Variants in CA6 observed in about 807,000 individuals in gnomAD.
CA6 encodes carbonic anhydrase 6, also known as carbonate dehydratase VI.
Under a neutral mutation model 35.9 loss-of-function variants are expected in CA6, and 28 were observed. The observed-to-expected ratio is 0.78, with a 90% CI of 0.58 to 1.07. The LOEUF (loss-of-function observed/expected upper bound fraction) is 1.07, where lower values mean the gene tolerates loss of function less well. Ranked by LOEUF, CA6 falls within the 50% of genes least tolerant of loss-of-function variation. CA6 has a pLI of 0.00. For synonymous variants in CA6, 148 were observed against 152.6 expected (o/e 0.97, Z 0.22); for missense variants, 377 against 382.0 (o/e 0.99, Z 0.11).
chr1:8,971,144 G>T (rs1282702107), intron 7 of CA6, among the ~76,000 whole-genome samples, 163 bp downstream of exon 7: 1 of 152,056 alleles, frequency 6.6e-6, no homozygotes, highest in Admixed American at 6.6e-5. Flanking sequence ...AGAGGGTGAT[G>T]ACTTTTTCCC....
intron 2 of CA6, chr1:8,952,457 G>T (rs1639565407): frequency 6.6e-6 from 1 of 151,962 alleles, no homozygotes; most frequent in Non-Finnish European, 1.5e-5. Flanking sequence ...TATTTTGAAA[G>T]ATTTTTATAA....
Position 8,974,602 on chromosome 1 carries a change from A to T in CA6, c.845-20A>T. 6 of 1,565,478 alleles carry T rather than the reference A, an allele frequency of 3.8e-6. No homozygotes were observed. The highest frequency in any genetic ancestry group is 5.3e-6 in the Non-Finnish European group (6 of 1,138,464). The stretch of plus-strand genomic sequence containing the variant: ...ACTGTACAAGGTTTAACCATTTCCG[A>T]CTAACTCTTCTTTTTACAGAATACA... On this transcript the variant is annotated intron_variant, in intron 7 of 7. Transcript: ENST00000377443.
intron 5 of CA6, among the ~76,000 whole-genome samples, chr1:8,967,166 C>A (rs1322858105): frequency 6.6e-6 from 1 of 152,018 alleles, no homozygotes; most frequent in Non-Finnish European, 1.5e-5. Context: ...TCTCAATGAG[C>A]CCAAACCAAG....
intron 1 of CA6, 74 bp downstream of exon 1, chr1:8,946,039 CTTCTTTT>C: frequency 1.1e-6 from 1 of 871,838 alleles, no homozygotes; most frequent in South Asian, 1.5e-5. Context: ...CCTTCTTCTT[CTTCTTTT>C]TTTTTTTTTT....
In CA6 at chr1:8,970,936, C is replaced by T; in HGVS notation, c.799C>T (p.Gln267Ter). 6.2e-7 allele frequency: 1 copy of T among 1,614,100 alleles called. No homozygotes were observed. Among genetic ancestry groups the T allele is most frequent in the Non-Finnish European group, 8.5e-7 (1 of 1,179,942 alleles). ...CATCCACAACGATTACCGCAGGACCCAGCCCCTGAACCACAGAGTGGTGGA... is the reference window on the plus strand; with the variant it reads ...CATCCACAACGATTACCGCAGGACCTAGCCCCTGAACCACAGAGTGGTGGA... The part of the protein sequence containing the change: ...KTIHNDYRRT[Q>*]PLNHRVVESN... Residue 267 changes from glutamine (Q) to a stop codon, truncating the protein, a stop_gained, in exon 7 of 8, where the codon CAG becomes TAG. Transcript: ENST00000377443. LOFTEE classifies it low-confidence loss of function (END_TRUNC).
intron 7 of CA6, among the ~76,000 whole-genome samples, chr1:8,973,777 T>TTTCTTTCTTTC (rs1640189386): frequency 4.0e-5 from 2 of 50,496 alleles, no homozygotes; most frequent in Non-Finnish European, 3.7e-5. Flanking sequence ...TCTTTCTTTC[T>TTTCTTTCTTTC]TTCTTTCTTT....
rs749482487 is a variant in CA6 at position 8,970,921 on chromosome 1, G to A, written c.784G>A (p.Asp262Asn). ...TCACCGCAACAAGACCATCCACAACGATTACCGCAGGACCCAGCCCCTGAA... is the reference window on the plus strand; with the variant it reads ...TCACCGCAACAAGACCATCCACAACAATTACCGCAGGACCCAGCCCCTGAA... The part of the protein sequence containing the change: ...LDHRNKTIHN[D>N]YRRTQPLNHR... The change falls in exon 7 of 8, where the codon GAT (aspartate) becomes AAT (asparagine). Residue 262 changes from aspartate (D) to asparagine (N), a missense_variant. Coordinates refer to ENST00000377443, the MANE Select transcript of CA6 (RefSeq NM_001215.4). 6.2e-7 allele frequency: 1 copy of A among 1,614,084 alleles called. No homozygotes were observed. Among genetic ancestry groups the A allele is most frequent in the Non-Finnish European group, 8.5e-7 (1 of 1,179,992 alleles).
At chr1:8,951,864 GGCTGGAGT>G (rs997893522) in intron 2 of CA6, 72 of 252,098 alleles carry the variant, frequency 2.9e-4, no homozygotes, top group Non-Finnish European at 4.3e-4. Context: ...CTGTCACCCC[GGCTGGAGT>G]GCAGTGGTGC....
intron 7 of CA6, chr1:8,974,321 A>C (rs982717414): frequency 2.7e-5 from 38 of 1,393,158 alleles, no homozygotes; most frequent in Non-Finnish European, 3.1e-5. Flanking sequence ...CGATTTATTT[A>C]CTAGAAAACG....
intron 2 of CA6, among the ~76,000 whole-genome samples, chr1:8,956,919 A>G (rs899680837): frequency 6.6e-6 from 1 of 152,106 alleles, no homozygotes; most frequent in Admixed American, 6.6e-5. Context: ...AGCCTGGTTT[A>G]CTTAGTGCCT....
At chr1:8,974,521 CA>C in intron 7 of CA6, 100 bp from the exon 8 acceptor site, 1 of 1,429,894 alleles carries the variant, frequency 7.0e-7, no homozygotes, top group South Asian at 1.3e-5. Flanking sequence ...AAAGACTTCC[CA>C]AAAATACGAT....
chr1:8,956,091 C>T (rs370385325), intron 2 of CA6, among the ~76,000 whole-genome samples: 4 of 151,998 alleles, frequency 2.6e-5, no homozygotes, highest in African/African-American at 9.7e-5. Flanking sequence ...GGCATGGTGG[C>T]ATATGCCTGT....
chr1:8,949,425 T>G lies in CA6; in HGVS notation c.242T>G (p.Val81Gly), dbSNP rs1639463432. 6.2e-7 allele frequency: 1 copy of G among 1,612,282 alleles called. No individual in the cohort carries two copies. Among genetic ancestry groups the G allele is most frequent in the Non-Finnish European group, 8.5e-7 (1 of 1,179,236 alleles). ...ACCCAGGCAGGGGAGTTCCCCATGG[T>G]CAACAATGGCCACACAGGTAAGAGG... is the stretch of plus-strand genomic sequence containing the variant. ...YETQAGEFPM[V>G]NNGHTVQISL... Residue 81 changes from valine to glycine, a missense_variant, in exon 2 of 8, where the codon GTC becomes GGC. Physicochemically the swap from Val to Gly is moderately radical, Grantham distance 109. Transcript: ENST00000377443.
At chr1:8,971,816 C>A (rs938361972) in intron 7 of CA6, among the ~76,000 whole-genome samples, 5 of 152,228 alleles carry the variant, frequency 3.3e-5, no homozygotes, top group Admixed American at 6.5e-5. Flanking sequence ...TCCGCTGCAT[C>A]CTCCAGTTCC....
chr1:8,960,785 C>CAT (rs1251525876), intron 4 of CA6, among the ~76,000 whole-genome samples: 8 of 98,156 alleles, frequency 8.2e-5, no homozygotes, highest in African/African-American at 2.3e-4. Context: ...CACACACACA[C>CAT]ACACATATAT....
chr1:8,962,803 G>C (rs1206950601), intron 5 of CA6, 147 bp downstream of exon 5: 3 of 694,704 alleles, frequency 4.3e-6, no homozygotes, highest in Non-Finnish European at 7.7e-6. Context: ...CCTGTGCCAG[G>C]TTACTTGTTC....
chr1:8,962,807 C>G, intron 5 of CA6, 151 bp downstream of exon 5: 1 of 685,962 alleles, frequency 1.5e-6, no homozygotes, highest in Non-Finnish European at 2.6e-6. Context: ...TGCCAGGTTA[C>G]TTGTTCCAGT....
chr1:8,974,586 G>A (rs1359679782), intron 7 of CA6, 36 bp from the exon 8 acceptor site: 1 of 1,509,944 alleles, frequency 6.6e-7, no homozygotes, highest in South Asian at 1.1e-5. Context: ...GACTGTACAA[G>A]GTTTAACCAT....
intron 7 of CA6, among the ~76,000 whole-genome samples, chr1:8,972,885 C>T (rs1214875194): frequency 6.6e-6 from 1 of 152,098 alleles, no homozygotes; most frequent in Non-Finnish European, 1.5e-5. Flanking sequence ...AAACTGACAT[C>T]AGTTACAGTA....
Sources: allele counts gnomAD v4.1 joint callset (sites outside exome capture counted in the v4.1 genomes callset), GRCh38; gene constraint gnomAD v4.1.1; transcripts MANE v1.5; gene names NCBI Gene and HGNC (gene_info 2026-07-23, HGNC 2026-07-21).